The following RCOR1 variants were observed in gnomAD, a reference collection of about 807,000 sequenced individuals.
RCOR1 encodes the protein REST corepressor 1.
Under a neutral mutation model 64.0 loss-of-function variants are expected in RCOR1, and 12 were observed. The ratio of observed to expected loss-of-function variants is 0.19; its 90% CI spans 0.12 to 0.30. RCOR1 has a LOEUF of 0.30. Ranked by LOEUF, RCOR1 falls within the 10% of genes least tolerant of loss-of-function variation. The pLI is 1.00. For synonymous variants in RCOR1, 279 were observed against 227.2 expected (o/e 1.23, Z -2.05); for missense variants, 502 against 621.2 (o/e 0.81, Z 2.04).
intron 2 of RCOR1, among the ~76,000 whole-genome samples, chr14:102,639,264 CTTTTT>C (rs11306200): frequency 1.6e-5 from 2 of 125,556 alleles, no homozygotes; most frequent in Non-Finnish European, 1.7e-5. Flanking sequence ...TTCTTTCTTT[CTTTTT>C]TTTTTTTTTT....
chr14:102,593,334 C>A lies in RCOR1; in HGVS notation c.361+9C>A. 1 of 1,531,248 alleles carries A rather than the reference C, an allele frequency of 6.5e-7. No homozygotes were observed. Among genetic ancestry groups the A allele is most frequent in the Non-Finnish European group, 8.7e-7 (1 of 1,147,446 alleles). 94.9% of individuals were successfully genotyped at this position (1,531,248 alleles called of 1,614,324 possible). ...GCCCGACTTCGACCCCGGTGAGTAG[C>A]GGCCCCGGCCGGCCGGCGGCGGGGA... On this transcript the variant is annotated intron_variant, in intron 2 of 11. Transcript: ENST00000262241.
intron 2 of RCOR1, among the ~76,000 whole-genome samples, chr14:102,641,960 A>G (rs1894379046): frequency 6.6e-6 from 1 of 152,132 alleles, no homozygotes; most frequent in South Asian, 2.1e-4. Flanking sequence ...GCAGCACTGA[A>G]TCTGCATGTA....
intron 3 of RCOR1, among the ~76,000 whole-genome samples, 186 bp from the exon 4 acceptor site, chr14:102,701,092 C>G (rs1457284748): frequency 2.0e-5 from 3 of 152,208 alleles, no homozygotes; most frequent in Non-Finnish European, 4.4e-5. Context: ...GATTCAGTTA[C>G]CTCCAGTTGG....
At chr14:102,720,954 A>G (rs1849817492) in intron 8 of RCOR1, 53 bp from the exon 9 acceptor site, 3 of 970,798 alleles carry the variant, frequency 3.1e-6, no homozygotes, top group Non-Finnish European at 3.1e-6. Flanking sequence ...TTCTGTTTTC[A>G]TACCTTTATA....
intron 2 of RCOR1, among the ~76,000 whole-genome samples, chr14:102,649,396 G>T (rs1894539942): frequency 6.6e-6 from 1 of 152,176 alleles, no homozygotes; most frequent in African/African-American, 2.4e-5. Context: ...TATGCATTTT[G>T]GGTACCAGCC....
At chr14:102,704,065 C>T (rs900474767) in intron 4 of RCOR1, among the ~76,000 whole-genome samples, 1 of 152,238 alleles carries the variant, frequency 6.6e-6, no homozygotes, top group African/African-American at 2.4e-5. Context: ...AGGGAGAAAG[C>T]TCCTCTTATC....
At chr14:102,654,805 T>C (rs1401332903) in intron 2 of RCOR1, among the ~76,000 whole-genome samples, 3 of 149,156 alleles carry the variant, frequency 2.0e-5, no homozygotes, top group Admixed American at 6.7e-5. Context: ...TTTTTTTTTT[T>C]TCCTGTTCTT....
chr14:102,711,118 G>A, intron 7 of RCOR1, 105 bp downstream of exon 7: 1 of 711,868 alleles, frequency 1.4e-6, no homozygotes, highest in Non-Finnish European at 2.4e-6. Context: ...AGTGCTATGT[G>A]GAAAGCAGCA....
chr14:102,661,280 G>T (rs116851100), intron 2 of RCOR1, among the ~76,000 whole-genome samples: 4,066 of 152,222 alleles, frequency 0.027, 78 homozygotes, highest in South Asian at 0.074. Context: ...CCCAGGAGGC[G>T]CAGGTTGCAG....
chr14:102,719,839 C>G (rs555019589), intron 8 of RCOR1, among the ~76,000 whole-genome samples: 14 of 152,224 alleles, frequency 9.2e-5, no homozygotes, highest in Admixed American at 2.6e-4. Context: ...CACTGGAATG[C>G]GAAGAGGACA....
intron 2 of RCOR1, among the ~76,000 whole-genome samples, chr14:102,673,616 T>G (rs935678957): frequency 5.9e-5 from 9 of 151,608 alleles, no homozygotes; most frequent in Non-Finnish European, 1.0e-4. Context: ...ATTACAGGCG[T>G]GAGCCATGGC....
chr14:102,630,049 A>G (rs1436738788), intron 2 of RCOR1: 2 of 941,224 alleles, frequency 2.1e-6, no homozygotes, highest in African/African-American at 3.5e-5. Context: ...TATAGTTTGG[A>G]TGTGGTTTGT....
At chr14:102,635,509 A>G (rs1324368507) in intron 2 of RCOR1, among the ~76,000 whole-genome samples, 1 of 152,174 alleles carries the variant, frequency 6.6e-6, no homozygotes, top group Non-Finnish European at 1.5e-5. Flanking sequence ...GTCTCAAAAA[A>G]GAAATGGAAG....
intron 2 of RCOR1, among the ~76,000 whole-genome samples, chr14:102,679,482 T>TC (rs1895258671): frequency 1.3e-5 from 2 of 151,948 alleles, no homozygotes; most frequent in Middle Eastern, 3.4e-3. Flanking sequence ...CCCTTTTTTT[T>TC]TCTTTTTTTT....
chr14:102,684,165 T>A (rs893251113), intron 3 of RCOR1, among the ~76,000 whole-genome samples: 1 of 152,048 alleles, frequency 6.6e-6, no homozygotes, highest in East Asian at 1.9e-4. Flanking sequence ...CGCTGCGGAG[T>A]CTGAACCTCA....
intron 2 of RCOR1, among the ~76,000 whole-genome samples, chr14:102,613,723 C>CT (rs74810023): frequency 0.027 from 3,729 of 140,248 alleles, 144 homozygotes; most frequent in African/African-American, 0.089. Flanking sequence ...CCCCGCCATC[C>CT]TTTTTTTTTT....
rs1312820779 is a variant in RCOR1, at chr14:102,729,084, T to A, written c.*2578T>A. The A allele has an allele frequency of 6.5e-6, 1 of 152,678 alleles. No individual in the cohort carries two copies. The highest frequency in any genetic ancestry group is 1.5e-5 in the Non-Finnish European group (1 of 68,044). 9.5% of individuals were successfully genotyped at this position (152,678 alleles called of 1,614,324 possible). ...TTAAGCTTTGTCTTCTTAAAAATTA[T>A]CAATGTGAATGTCATAATTATATAT... On this transcript the variant is annotated 3_prime_UTR_variant, in exon 12 of 12. Transcript: ENST00000262241.
intron 2 of RCOR1, chr14:102,659,094 C>A: frequency 1.0e-6 from 1 of 983,372 alleles, no homozygotes; most frequent in African/African-American, 1.7e-5. Flanking sequence ...CACGAGGAAG[C>A]TGCTTTTTCT....
chr14:102,696,929 C>T (rs1859325320), intron 3 of RCOR1, among the ~76,000 whole-genome samples: 1 of 146,268 alleles, frequency 6.8e-6, no homozygotes, highest in African/African-American at 2.5e-5. Flanking sequence ...GAAAAGTGCA[C>T]TTTTCATTTT....
Sources: allele counts gnomAD v4.1 joint callset (sites outside exome capture counted in the v4.1 genomes callset), GRCh38; gene constraint gnomAD v4.1.1; transcripts MANE v1.5; gene names NCBI Gene and HGNC (gene_info 2026-07-23, HGNC 2026-07-21).